Variants in ZFPM2 observed in about 807,000 individuals in gnomAD.
ZFPM2 encodes zinc finger protein, FOG family member 2, also known as zinc finger protein ZFPM2.
In ZFPM2, 20 loss-of-function variants were observed where a neutral mutation model predicts 98.6. The ratio of observed to expected loss-of-function variants is 0.20; its 90% CI spans 0.14 to 0.29. ZFPM2 has a LOEUF of 0.29. Ranked by LOEUF, ZFPM2 falls within the 10% of genes least tolerant of loss-of-function variation. The probability of loss-of-function intolerance (pLI) is 1.00; values close to 1 mark genes in which losing one functional copy is unlikely to be tolerated. For synonymous variants in ZFPM2, 518 were observed against 502.7 expected, an observed-to-expected ratio of 1.03 and a Z score of -0.41; for missense variants, 1,310 against 1,388.6, an observed-to-expected ratio of 0.94 and a Z score of 0.90.
chr8:105,637,825 G>A (rs1816877123), intron 5 of ZFPM2, among the ~76,000 whole-genome samples: 1 of 152,044 alleles, frequency 6.6e-6, no homozygotes, highest in African/African-American at 2.4e-5. Context: ...AAGATGGAAG[G>A]GTTAACAAGT....
intron 5 of ZFPM2, among the ~76,000 whole-genome samples, chr8:105,637,967 G>GTT (rs1172795169): frequency 6.6e-6 from 1 of 152,050 alleles, no homozygotes; most frequent in Non-Finnish European, 1.5e-5. Context: ...GTGTGTGTGT[G>GTT]TGTGTTTTGG....
In ZFPM2 at chr8:105,769,666, T is replaced by A. The variant is rs1812940332; in HGVS notation, c.533-19052T>A. 3.3e-5 allele frequency among the ~76,000 whole-genome samples: 5 copies of A among 152,140 alleles called. No individual in the cohort carries two copies. The South Asian group carries it at 1.0e-3, about 32-fold the overall frequency. ...GAACTTGTGTTTTTTATGCTGTATC[T>A]CCTTTGTCTGTCTTTCCTCTTATCA... On this transcript the variant is annotated intron_variant, in intron 5 of 7. Transcript: ENST00000407775.
intron 1 of ZFPM2, among the ~76,000 whole-genome samples, chr8:105,374,616 G>A (rs1378694332): frequency 6.6e-6 from 1 of 152,076 alleles, no homozygotes; most frequent in Admixed American, 6.6e-5. Flanking sequence ...GAACTCCTGA[G>A]CTCAAGCAAT....
At chr8:105,703,508 T>C (rs998314944) in intron 5 of ZFPM2, among the ~76,000 whole-genome samples, 1 of 152,094 alleles carries the variant, frequency 6.6e-6, no homozygotes, top group African/African-American at 2.4e-5. Context: ...TTTTTTGTTG[T>C]TGTTTTGTTT....
At chr8:105,549,340 C>T (rs374897258) in intron 3 of ZFPM2, among the ~76,000 whole-genome samples, 45 of 152,158 alleles carry the variant, frequency 3.0e-4, no homozygotes, top group African/African-American at 9.9e-4. Flanking sequence ...TTGGTTAAAG[C>T]GAGGGCATGA....
At chr8:105,455,328 G>A (rs1057121786) in intron 3 of ZFPM2, among the ~76,000 whole-genome samples, 25 of 152,138 alleles carry the variant, frequency 1.6e-4, no homozygotes, top group Non-Finnish European at 3.2e-4. Flanking sequence ...GACAGAACGT[G>A]GGAGGGGGGT....
chr8:105,336,150 T>G (rs555602363), intron 1 of ZFPM2, among the ~76,000 whole-genome samples: 2 of 151,902 alleles, frequency 1.3e-5, no homozygotes, highest in African/African-American at 4.8e-5. Context: ...TCTGGAGTCT[T>G]TCATTGGGGT....
rs1013735956 is a variant in ZFPM2, at chr8:105,803,640, G to A, written c.*102G>A. 17 of 1,173,644 alleles carry A rather than the reference G, an allele frequency of 1.4e-5. No individual in the cohort carries two copies. The highest frequency in any genetic ancestry group is 2.1e-5 in the Non-Finnish European group (17 of 822,462). 72.7% of individuals were successfully genotyped at this position (1,173,644 alleles called of 1,614,324 possible). On this transcript the variant is annotated 3_prime_UTR_variant, in exon 8 of 8. Transcript: ENST00000407775. Reference sequence around the variant, plus strand: ...GTTTGAATTACATCTGGGCAATCAGGAGATAATTCATTATGGCTGAGTTGA... The same window carrying A: ...GTTTGAATTACATCTGGGCAATCAGAAGATAATTCATTATGGCTGAGTTGA...
intron 1 of ZFPM2, among the ~76,000 whole-genome samples, chr8:105,376,271 G>A (rs1481925717): frequency 6.6e-6 from 1 of 152,020 alleles, no homozygotes; most frequent in Non-Finnish European, 1.5e-5. Flanking sequence ...CATTTGAATG[G>A]CTACTTCTCA....
chr8:105,612,990 C>T (rs183329890), intron 4 of ZFPM2, among the ~76,000 whole-genome samples: 6 of 152,254 alleles, frequency 3.9e-5, no homozygotes, highest in Non-Finnish European at 8.8e-5. Context: ...AATAACTGCC[C>T]TTTTGTGATC....
intron 5 of ZFPM2, among the ~76,000 whole-genome samples, chr8:105,677,575 G>GTT (rs571998284): frequency 6.9e-6 from 1 of 144,274 alleles, no homozygotes; most frequent in Admixed American, 7.0e-5. Context: ...ATTGTAGAGG[G>GTT]TTTTTTTTTT....
chr8:105,389,065 T>C (rs982342171), intron 1 of ZFPM2, among the ~76,000 whole-genome samples: 9 of 143,382 alleles, frequency 6.3e-5, no homozygotes, highest in Admixed American at 3.5e-4. Flanking sequence ...TGTGTAGGCA[T>C]GAGGGGAGAG....
At chr8:105,487,106 T>C (rs1237384102) in intron 3 of ZFPM2, among the ~76,000 whole-genome samples, 1 of 152,064 alleles carries the variant, frequency 6.6e-6, no homozygotes, top group Non-Finnish European at 1.5e-5. Flanking sequence ...TTATATGTAG[T>C]GTGTTATATT....
In ZFPM2 at chr8:105,446,711, A is replaced by T. The variant is rs1812377907; in HGVS notation, c.301+2330A>T. ...GGTTATGACAAAACTTTGAAGAGAA[A>T]ATATGTATCTCTAAGCAGGTATGGC... is the stretch of plus-strand genomic sequence containing the variant. On this transcript the variant is annotated intron_variant, in intron 3 of 7. Coordinates refer to ENST00000407775, the MANE Select transcript of ZFPM2 (RefSeq NM_012082.4). 2.6e-5 allele frequency among the ~76,000 whole-genome samples: 4 copies of T among 152,134 alleles called. No homozygotes were observed. In the South Asian group the frequency reaches 8.3e-4, roughly 31 times the overall value.
At chr8:105,681,314 C>T (rs777000431) in intron 5 of ZFPM2, among the ~76,000 whole-genome samples, 2 of 152,150 alleles carry the variant, frequency 1.3e-5, no homozygotes, top group African/African-American at 4.8e-5. Flanking sequence ...TACCTCACTA[C>T]AATCCCATTC....
At chr8:105,416,437 G>T (rs1422061016) in intron 1 of ZFPM2, among the ~76,000 whole-genome samples, 1 of 151,406 alleles carries the variant, frequency 6.6e-6, no homozygotes, top group Non-Finnish European at 1.5e-5. Flanking sequence ...ATATATTACT[G>T]TTAATTAAAC....
chr8:105,349,309 G>A (rs1374052349), intron 1 of ZFPM2, among the ~76,000 whole-genome samples: 1 of 152,104 alleles, frequency 6.6e-6, no homozygotes, highest in African/African-American at 2.4e-5. Flanking sequence ...TCAAAGGAAT[G>A]GCCTGGACTT....
Position 105,654,605 on chromosome 8 carries a change from G to A in ZFPM2, c.532+20248G>A, listed in dbSNP as rs181541237. Among the ~76,000 whole-genome samples the A allele has an allele frequency of 6.6e-5, 10 of 152,018 alleles. No homozygotes were observed. The East Asian group carries it at 1.7e-3, about 26-fold the overall frequency. On this transcript the variant is annotated intron_variant, in intron 5 of 7. Transcript: ENST00000407775. ...TTTTTTTAAAAATGAAAGCACCTTA[G>A]GGATCCTAGCAACTGTTACTGCTGG... is the stretch of plus-strand genomic sequence containing the variant.
At chr8:105,453,403 A>G (rs1812525358) in intron 3 of ZFPM2, among the ~76,000 whole-genome samples, 1 of 152,226 alleles carries the variant, frequency 6.6e-6, no homozygotes, top group African/African-American at 2.4e-5. Flanking sequence ...CCAGTCTGGT[A>G]GAAAGAGATT....
Sources: gnomAD v4.1 joint callset for allele counts (sites outside exome capture counted in the v4.1 genomes callset) on GRCh38, gnomAD v4.1.1 for gene constraint, MANE v1.5 for transcripts, NCBI Gene and HGNC (gene_info 2026-07-23, HGNC 2026-07-21) for gene names.